Variants in NRAP observed in about 807,000 individuals in gnomAD.
The protein encoded by NRAP is nebulin-related-anchoring protein.
In NRAP, 189 loss-of-function variants were observed where a neutral mutation model predicts 225.9. The ratio of observed to expected loss-of-function variants is 0.84; its 90% confidence interval spans 0.74 to 0.94. NRAP has a LOEUF of 0.94. Ranked by LOEUF, NRAP falls within the 40% of genes least tolerant of loss-of-function variation. NRAP has a pLI of 0.00. For missense variants in NRAP, 2,176 were observed against 2,168.7 expected (o/e 1.00, Z -0.07); for synonymous variants, 769 against 790.7 (o/e 0.97, Z 0.46).
chr10:113,606,347 G>C (rs1846967374), intron 32 of NRAP, 65 bp from the exon 33 acceptor site: 3 of 1,013,792 alleles, frequency 3.0e-6, no homozygotes, highest in Admixed American at 3.7e-5. Context: ...TGCAGTGCTG[G>C]AAGTCCCTCA....
At chr10:113,615,557 G>A (rs1417864138) in intron 27 of NRAP, among the ~76,000 whole-genome samples, 155 bp downstream of exon 27, 2 of 152,164 alleles carry the variant, frequency 1.3e-5, no homozygotes. Flanking sequence ...ATGAAAATGT[G>A]GGGCCCCTTG....
intron 38 of NRAP, among the ~76,000 whole-genome samples, chr10:113,594,157 A>G (rs1466809262): frequency 6.6e-6 from 1 of 152,148 alleles, no homozygotes; most frequent in Non-Finnish European, 1.5e-5. Flanking sequence ...ATCCTCACAC[A>G]TTAGAGTCAT....
chr10:113,602,374 G>A (rs1299702364), intron 35 of NRAP, among the ~76,000 whole-genome samples: 1 of 152,170 alleles, frequency 6.6e-6, no homozygotes, highest in Admixed American at 6.5e-5. Context: ...CCAAGAAATA[G>A]GCCATTGACA....
intron 20 of NRAP, 66 bp from the exon 21 acceptor site, chr10:113,626,211 GC>G: frequency 2.1e-6 from 2 of 951,914 alleles, no homozygotes; most frequent in Non-Finnish European, 1.6e-6. Context: ...CTACTCATGT[GC>G]CCCCACACAC....
intron 9 of NRAP, among the ~76,000 whole-genome samples, chr10:113,648,922 T>C (rs1592856812): frequency 1.3e-5 from 2 of 152,312 alleles, no homozygotes; most frequent in African/African-American, 4.8e-5. Flanking sequence ...TACTGGTAGA[T>C]AGGATTGGCC....
chr10:113,637,006 CAAAAAAAAAA>C (rs59937257), intron 14 of NRAP, among the ~76,000 whole-genome samples: 2 of 89,266 alleles, frequency 2.2e-5, no homozygotes, highest in East Asian at 3.1e-4. Flanking sequence ...GACTTCATCT[CAAAAAAAAAA>C]AAAAAAAAAA....
chr10:113,614,285 T>C lies in NRAP; in HGVS notation c.3198A>G (p.Lys1066=). 1.2e-6 allele frequency: 2 copies of C among 1,609,394 alleles called. No individual in the cohort carries two copies. Among genetic ancestry groups the C allele is most frequent in the South Asian group, 2.2e-5 (2 of 90,970 alleles). Reference sequence around the variant, plus strand: ...GTCCTTTCATTTTCTCAAATGCCTCTTTGTATTTGTACTAAAGGGAAAGAG... The same window carrying C: ...GTCCTTTCATTTTCTCAAATGCCTCCTTGTATTTGTACTAAAGGGAAAGAG... The part of the protein sequence containing the change: ...SGEIISDYKY[K]EAFEKMKGQM... Residue 1066 remains lysine, a synonymous_variant, in exon 29 of 42, where the codon AAA becomes AAG. Transcript: ENST00000359988.
At chr10:113,627,310 C>G (rs961635577) in intron 20 of NRAP, among the ~76,000 whole-genome samples, 3 of 152,204 alleles carry the variant, frequency 2.0e-5, no homozygotes, top group African/African-American at 7.2e-5. Context: ...ATCACAAGTA[C>G]TTGCTGAGCA....
At chr10:113,605,949 A>G in intron 33 of NRAP, 80 bp from the exon 34 acceptor site, 2 of 1,043,728 alleles carry the variant, frequency 1.9e-6, no homozygotes, top group Non-Finnish European at 3.0e-6. Flanking sequence ...CATTTATAGC[A>G]CAGTGTTCCA....
chr10:113,649,585 T>A (rs1377681525), intron 9 of NRAP, among the ~76,000 whole-genome samples: 2 of 152,238 alleles, frequency 1.3e-5, no homozygotes, highest in Non-Finnish European at 2.9e-5. Context: ...TTCTCTGGCA[T>A]ACTGATTTAT....
At chr10:113,629,133 G>T (rs1848438467) in intron 19 of NRAP, 112 bp from the exon 20 acceptor site, 3 of 774,728 alleles carry the variant, frequency 3.9e-6, no homozygotes, top group Non-Finnish European at 6.7e-6. Context: ...TAGAAGAACT[G>T]CTCCCTGCTC....
In NRAP at chr10:113,589,775, T is replaced by TTCAAG; in HGVS notation, c.4974_4978dup (p.Asn1660ThrfsTer2). The TTCAAG allele has an allele frequency of 2.5e-6, 4 of 1,614,078 alleles. No individual in the cohort carries two copies. Among genetic ancestry groups the TTCAAG allele is most frequent in the Non-Finnish European group, 3.4e-6 (4 of 1,179,988 alleles). ...GGTCCAGCCAACACCTCTGGTCAGG[T>TTCAAG]TCAAGTCTGATTTATACTTGACCTT... is the stretch of plus-strand genomic sequence containing the variant. On this transcript the variant is annotated stop_gained and frameshift_variant, in exon 41 of 42. Coordinates refer to ENST00000359988, the MANE Select transcript of NRAP (RefSeq NM_198060.4). LOFTEE classifies it high-confidence loss of function.
rs1384552974 is a variant in NRAP at position 113,651,864 on chromosome 10, G to C, written c.614C>G (p.Ser205Cys). 2 of 1,613,362 alleles carry C rather than the reference G, an allele frequency of 1.2e-6. No homozygotes were observed. Among genetic ancestry groups the C allele is most frequent in the Non-Finnish European group, 1.7e-6 (2 of 1,179,404 alleles). ...RGHDERISRF[S>C]TVVDTPELLR... ...CAGCTCAGGAGTATCCACCACCGTG[G>C]AGAACCTGGAGATGCGTTCATCATG... Residue 205 changes from serine to cysteine, a missense_variant, in exon 7 of 42, where the codon TCC (serine) becomes TGC (cysteine). Ser to Cys is a moderately radical substitution (Grantham distance 112, BLOSUM62 -1). Coordinates refer to ENST00000359988, the MANE Select transcript of NRAP (RefSeq NM_198060.4).
rs547395607 is a variant in NRAP at position 113,592,784 on chromosome 10, T to C, written c.4537-483A>G. Among the ~76,000 whole-genome samples, 4 of 152,338 alleles carry C rather than the reference T, an allele frequency of 2.6e-5. No individual in the cohort carries two copies. In the South Asian group the frequency reaches 6.2e-4, roughly 24 times the overall value. On this transcript the variant is annotated intron_variant, in intron 38 of 41. Coordinates refer to ENST00000359988, the MANE Select transcript of NRAP (RefSeq NM_198060.4). ...CTCAGCCTGGCTTTGATGCCATGCC[T>C]TGCACCATCACTATGAGGCATGCTG...
chr10:113,589,408 T>C lies in NRAP; in HGVS notation c.5088+258A>G, dbSNP rs886046750. The C allele has an allele frequency of 3.1e-5, 18 of 578,596 alleles. No individual in the cohort carries two copies. Among genetic ancestry groups the C allele is most frequent in the Middle Eastern group, 4.5e-4 (1 of 2,200 alleles). The allele number at this position is 578,596 out of a possible 1,614,324, so 35.8% of individuals were successfully genotyped here. A position where few individuals can be genotyped will look rare whatever the true frequency, so the allele number is the denominator to read the frequency against. On this transcript the variant is annotated intron_variant, in intron 41 of 41. Transcript: ENST00000359988. Reference sequence around the variant, plus strand: ...CAGCCTGGGCTGCCCTGGCCCGGGATTGATGTAGCCCCGGTAGGTTTGCCT... The same window carrying C: ...CAGCCTGGGCTGCCCTGGCCCGGGACTGATGTAGCCCCGGTAGGTTTGCCT...
rs200023860 is a variant in NRAP at position 113,614,201 on chromosome 10, C to T, written c.3282G>A (p.Ala1094=). 1.1e-5 allele frequency: 17 copies of T among 1,612,872 alleles called. 1 individual carries two copies. In the South Asian group the frequency reaches 1.5e-4, roughly 15 times the overall value. The change falls in exon 29 of 42, where the codon GCG becomes GCA. Residue 1094 remains alanine, a synonymous_variant. Transcript: ENST00000359988. The stretch of plus-strand genomic sequence containing the variant: ...CACTTACATCACTCTGCAGTGAGGT[C>T]GCATACACTGAATGTGCAAGGCTGA... ...DDISLAHSVY[A]TSLQSDVNYK...
At position 113,595,727 on chromosome 10, in the gene NRAP, G is replaced by A. The variant is rs377041831; in HGVS notation, c.4432C>T (p.Arg1478Cys). 4.6e-5 allele frequency: 73 copies of A among 1,592,758 alleles called. No homozygotes were observed. The highest frequency in any genetic ancestry group is 6.6e-5 in the South Asian group (6 of 90,512). ...AKNSYMHCNERMYRSGDAESL... is the reference protein window; with the variant it reads ...AKNSYMHCNECMYRSGDAESL... ...TCTGCATCTCCAGATCTATACATGC[G>A]CTGTAGATAAGATGGGCTCATGGTA... The change falls in exon 38 of 42, where the codon CGC becomes TGC. Residue 1478 changes from arginine to cysteine, a missense_variant and splice_region_variant. Physicochemically the swap from Arg to Cys is radical, Grantham distance 180. This residue lies in a region of NRAP where 445 missense variants were observed against 426.1 expected (regional missense o/e 1.04). Transcript: ENST00000359988.
intron 38 of NRAP, 47 bp downstream of exon 38, chr10:113,595,576 A>G: frequency 8.1e-7 from 1 of 1,239,594 alleles, no homozygotes; most frequent in South Asian, 1.2e-5. Context: ...GGCACAGATC[A>G]TTTTACAAAA....
chr10:113,653,975 A>G lies in NRAP; in HGVS notation c.465+46T>C, dbSNP rs2134178790. 2.7e-6 allele frequency: 3 copies of G among 1,099,528 alleles called. No individual in the cohort carries two copies. In the Middle Eastern group the frequency reaches 5.9e-4, roughly 218 times the overall value. The allele number at this position is 1,099,528 out of a possible 1,614,324, so 68.1% of individuals were successfully genotyped here. A position where few individuals can be genotyped will look rare whatever the true frequency, so the allele number is the denominator to read the frequency against. On this transcript the variant is annotated intron_variant, in intron 5 of 41. Coordinates refer to ENST00000359988, the MANE Select transcript of NRAP (RefSeq NM_198060.4). ...TCAAGGAACAGTCAAACTAATTGCT[A>G]AGTAATTGCTAAACCAATTCCTAAA...
Sources: gnomAD v4.1 joint callset for allele counts (sites outside exome capture counted in the v4.1 genomes callset) on GRCh38, gnomAD v4.1.1 for gene constraint, gnomAD v4.1.1 regional missense constraint, MANE v1.5 for transcripts, NCBI Gene and HGNC (gene_info 2026-07-23, HGNC 2026-07-21) for gene names.